ZNF385D: variants seen among roughly 807,000 people sequenced by gnomAD.
ZNF385D encodes zinc finger protein 659.
ZNF385D carries 15 observed loss-of-function variants against 35.8 expected under a neutral mutation model. That is an observed-to-expected ratio of 0.42 (90% CI 0.28 to 0.64). ZNF385D has a LOEUF of 0.64. ZNF385D is among the 30% of genes least tolerant of loss of function. ZNF385D has a pLI of 0.23. For missense variants in ZNF385D, 474 were observed against 494.6 expected, an observed-to-expected ratio of 0.96 and a Z score of 0.39; for synonymous variants, 212 against 186.8, an observed-to-expected ratio of 1.13 and a Z score of -1.10.
intron 3 of ZNF385D, among the ~76,000 whole-genome samples, chr3:21,531,677 A>G (rs151169983): frequency 8.5e-5 from 13 of 152,334 alleles, no homozygotes; most frequent in South Asian, 4.1e-4. Context: ...GTCCAACTTC[A>G]TGACATTCTG....
intron 3 of ZNF385D, among the ~76,000 whole-genome samples, chr3:22,141,864 G>C (rs988019408): frequency 9.9e-5 from 15 of 152,174 alleles, no homozygotes; most frequent in African/African-American, 3.4e-4. Context: ...AATTAGCAAA[G>C]TTCAGTGATC....
chr3:21,753,265 ATTTG>A (rs1016867346), upstream of ZNF385D, among the ~76,000 whole-genome samples: 13 of 152,322 alleles, frequency 8.5e-5, no homozygotes, highest in African/African-American at 2.9e-4. Context: ...TTGTCTTACT[ATTTG>A]TTTGTTGAAT....
In ZNF385D at chr3:22,289,222, G is replaced by A. The variant is rs1052559516; in HGVS notation, c.106+83228C>T. Among the ~76,000 whole-genome samples the A allele has an allele frequency of 1.6e-4, 24 of 152,032 alleles. 1 individual carries two copies. The highest frequency in any genetic ancestry group is 1.1e-3 in the Admixed American group (17 of 15,254). On this transcript the variant is annotated intron_variant, in intron 2 of 5. Coordinates refer to the ZNF385D transcript ENST00000494108. ...TTCTGTAAATGGGTCCTCTGAATGT[G>A]TCCACCTCTTTGTTTTCTGTGATAT...
At chr3:22,025,634 T>C (rs1697492104) in intron 3 of ZNF385D, among the ~76,000 whole-genome samples, 1 of 152,160 alleles carries the variant, frequency 6.6e-6, no homozygotes, top group Non-Finnish European at 1.5e-5. Flanking sequence ...CTTGGTTAGC[T>C]GAAATATGGA....
chr3:21,806,289 A>T (rs994748826), intron 3 of ZNF385D, among the ~76,000 whole-genome samples: 1 of 151,522 alleles, frequency 6.6e-6, no homozygotes, highest in African/African-American at 2.4e-5. Flanking sequence ...AAAAAGAATG[A>T]ATGCTCATGG....
At chr3:22,062,804 G>A (rs1218073999) in intron 3 of ZNF385D, among the ~76,000 whole-genome samples, 2 of 152,142 alleles carry the variant, frequency 1.3e-5, no homozygotes, top group Non-Finnish European at 2.9e-5. Flanking sequence ...ATGCAGTGAG[G>A]ACATACACAC....
At chr3:21,704,626 A>T in intron 1 of ZNF385D, among the ~76,000 whole-genome samples, 1 of 151,784 alleles carries the variant, frequency 6.6e-6, no homozygotes, top group East Asian at 1.9e-4. Flanking sequence ...CTTTTCCCTT[A>T]GTCACATGAG....
chr3:22,220,191 G>T (rs1030003274), intron 2 of ZNF385D, among the ~76,000 whole-genome samples: 2 of 151,734 alleles, frequency 1.3e-5, no homozygotes, highest in African/African-American at 4.8e-5. Context: ...AGCCACCTGA[G>T]TCACTGGGAC....
At chr3:21,649,441 A>C (rs974291993) in intron 2 of ZNF385D, among the ~76,000 whole-genome samples, 1 of 152,098 alleles carries the variant, frequency 6.6e-6, no homozygotes, top group African/African-American at 2.4e-5. Context: ...AATTTGCTAA[A>C]TTTTGCCCAG....
intron 2 of ZNF385D, among the ~76,000 whole-genome samples, chr3:22,321,369 A>T (rs531211575): frequency 6.6e-6 from 1 of 151,892 alleles, no homozygotes; most frequent in South Asian, 2.1e-4. Flanking sequence ...TTTTAAAAAA[A>T]ATTATTTATT....
At chr3:22,042,476 T>G (rs2125507538) in intron 3 of ZNF385D, among the ~76,000 whole-genome samples, 1 of 152,204 alleles carries the variant, frequency 6.6e-6, no homozygotes, top group South Asian at 2.1e-4. Flanking sequence ...ATATGGTAGG[T>G]TGAGCATCTT....
intron 3 of ZNF385D, among the ~76,000 whole-genome samples, chr3:22,107,042 T>TTTTTTAA (rs10688533): frequency 6.7e-6 from 1 of 149,388 alleles, no homozygotes; most frequent in African/African-American, 2.4e-5. Context: ...TTTTTTTTTT[T>TTTTTTAA]AGACAGAGTT....
intron 3 of ZNF385D, among the ~76,000 whole-genome samples, chr3:22,017,609 AT>A (rs1696972501): frequency 6.7e-6 from 1 of 149,170 alleles, no homozygotes; most frequent in Non-Finnish European, 1.5e-5. Context: ...TTTATTATCC[AT>A]TTTTTCCTTA....
intron 2 of ZNF385D, among the ~76,000 whole-genome samples, chr3:22,312,548 A>G (rs572455987): frequency 7.7e-4 from 117 of 152,088 alleles, no homozygotes; most frequent in African/African-American, 2.6e-3. Flanking sequence ...ACTCAAACAA[A>G]TTTACAAGAA....
chr3:21,853,281 G>A (rs1276124274), intron 3 of ZNF385D, among the ~76,000 whole-genome samples: 1 of 151,748 alleles, frequency 6.6e-6, no homozygotes, highest in Non-Finnish European at 1.5e-5. Context: ...GACAGTAAAA[G>A]GTCTGGAAAA....
chr3:21,887,257 T>C (rs558127824), intron 3 of ZNF385D, among the ~76,000 whole-genome samples: 20 of 152,328 alleles, frequency 1.3e-4, no homozygotes, highest in African/African-American at 4.8e-4. Flanking sequence ...CTTAAATAGT[T>C]TGTTTCTAAG....
chr3:22,199,797 C>T (rs1051212078), intron 2 of ZNF385D, among the ~76,000 whole-genome samples: 5 of 151,906 alleles, frequency 3.3e-5, no homozygotes, highest in African/African-American at 1.2e-4. Flanking sequence ...ACCCAGTCAA[C>T]AAAATATATG....
chr3:21,809,077 T>A (rs758610829), intron 3 of ZNF385D, among the ~76,000 whole-genome samples: 4 of 152,172 alleles, frequency 2.6e-5, no homozygotes, highest in Non-Finnish European at 4.4e-5. Flanking sequence ...TCATCTTATA[T>A]AGAACTAGAA....
intron 2 of ZNF385D, among the ~76,000 whole-genome samples, chr3:22,370,523 C>G (rs1696855081): frequency 6.8e-6 from 1 of 148,088 alleles, no homozygotes; most frequent in African/African-American, 2.7e-5. Context: ...ATGAATCAAT[C>G]TATGGTATTA....
Sources: gnomAD v4.1 joint callset for allele counts (sites outside exome capture counted in the v4.1 genomes callset) on GRCh38, gnomAD v4.1.1 for gene constraint, MANE v1.5 for transcripts, NCBI Gene and HGNC (gene_info 2026-07-23, HGNC 2026-07-21) for gene names.